Variants in ADAM12 observed in about 807,000 individuals in gnomAD.
ADAM12 encodes disintegrin and metalloproteinase domain-containing protein 12.
In ADAM12, 70 loss-of-function variants were observed where a neutral mutation model predicts 106.4. The observed-to-expected ratio is 0.66, with a 90% confidence interval of 0.54 to 0.80. The LOEUF is 0.80. Ranked by LOEUF, ADAM12 falls within the 30% of genes least tolerant of loss-of-function variation. The pLI is 0.00. For missense variants in ADAM12, 1,010 were observed against 1,171.9 expected (o/e 0.86, Z 2.02); for synonymous variants, 420 against 433.5 (o/e 0.97, Z 0.39).
chr10:126,385,024 G>A (rs1449352899), intron 1 of ADAM12, among the ~76,000 whole-genome samples: 1 of 152,124 alleles, frequency 6.6e-6, no homozygotes, highest in Non-Finnish European at 1.5e-5. Flanking sequence ...CAGTTAATTT[G>A]CTAGGTAAGC....
At chr10:126,281,720 C>A (rs1959591975) in intron 2 of ADAM12, among the ~76,000 whole-genome samples, 1 of 152,162 alleles carries the variant, frequency 6.6e-6, no homozygotes, top group Non-Finnish European at 1.5e-5. Context: ...TAAAATACGG[C>A]ATTCCTTTTC....
Position 126,089,693 on chromosome 10 carries a change from T to C in ADAM12, c.1145+4292A>G, listed in dbSNP as rs575299009. 7.9e-5 allele frequency among the ~76,000 whole-genome samples: 12 copies of C among 152,278 alleles called. No individual in the cohort carries two copies. The South Asian group carries it at 1.0e-3, about 13-fold the overall frequency. ...TTGCTGGCTCTGGTTCCTCCATTTC[T>C]ACCCAGCATCACTTCCCTCCAGCCC... On this transcript the variant is annotated intron_variant, in intron 11 of 22. Transcript: ENST00000448723.
intron 2 of ADAM12, among the ~76,000 whole-genome samples, chr10:126,318,562 A>ACACTCT (rs1564730022): frequency 1.1e-3 from 165 of 150,916 alleles, no homozygotes; most frequent in African/African-American, 3.8e-3. Context: ...TCACATTCAC[A>ACACTCT]CTCACACACT....
intron 8 of ADAM12, among the ~76,000 whole-genome samples, chr10:126,107,312 T>A (rs897944988): frequency 2.6e-5 from 4 of 152,094 alleles, no homozygotes; most frequent in Non-Finnish European, 5.9e-5. Context: ...ATAGCATGGA[T>A]CTAGTTCTTA....
At chr10:126,100,428 G>T (rs1054025305) in intron 9 of ADAM12, among the ~76,000 whole-genome samples, 7 of 152,014 alleles carry the variant, frequency 4.6e-5, no homozygotes, top group African/African-American at 1.7e-4. Context: ...CCTCGGCCTG[G>T]CGCGGTGGCT....
Position 126,013,616 on chromosome 10 carries a change from A to C in ADAM12, c.*3663T>G, listed in dbSNP as rs1469490077. ...ACCACTTTGGCTGATCTAAAGTAGC[A>C]ATGGAAGTAGTGATTTGACTGTCAA... is the stretch of plus-strand genomic sequence containing the variant. On this transcript the variant is annotated 3_prime_UTR_variant, in exon 23 of 23. Transcript: ENST00000448723. The surrounding 1 kb of genome is among the most constrained non-coding windows in gnomAD (Gnocchi z 4.3). 6.6e-6 allele frequency: 1 copy of C among 152,254 alleles called. No homozygotes were observed. The highest frequency in any genetic ancestry group is 1.5e-5 in the Non-Finnish European group (1 of 68,102). The allele number at this position is 152,254 out of a possible 1,614,324, so 9.4% of individuals were successfully genotyped here. A position where few individuals can be genotyped will look rare whatever the true frequency, so the allele number is the denominator to read the frequency against.
intron 3 of ADAM12, among the ~76,000 whole-genome samples, chr10:126,206,854 T>TGGGGGGGGGGGGG (rs145374984): frequency 1.2e-5 from 1 of 81,832 alleles, no homozygotes; most frequent in African/African-American, 4.1e-5. Context: ...CCATGTGTTG[T>TGGGGGGGGGGGGG]GGGGGCGGGG....
intron 2 of ADAM12, among the ~76,000 whole-genome samples, chr10:126,306,730 A>G (rs1360652439): frequency 1.3e-5 from 2 of 152,140 alleles, no homozygotes; most frequent in Non-Finnish European, 2.9e-5. Flanking sequence ...TGAAATGTCA[A>G]CCACCAGTCT....
chr10:126,056,560 G>A (rs2133458120), intron 14 of ADAM12, among the ~76,000 whole-genome samples: 1 of 152,296 alleles, frequency 6.6e-6, no homozygotes, highest in Non-Finnish European at 1.5e-5. Context: ...TTTGGTAGTG[G>A]TGGTGAGGGT....
chr10:126,024,138 A>G (rs1953823207), intron 21 of ADAM12, among the ~76,000 whole-genome samples: 1 of 152,262 alleles, frequency 6.6e-6, no homozygotes, highest in East Asian at 1.9e-4. Flanking sequence ...GAAGGTAAGT[A>G]CAGTTTGATA....
chr10:126,233,713 T>C (rs572308815), intron 3 of ADAM12, among the ~76,000 whole-genome samples: 24 of 152,186 alleles, frequency 1.6e-4, no homozygotes, highest in Non-Finnish European at 3.4e-4. Context: ...TGGACACTTG[T>C]GAACCAAATG....
At position 126,023,620 on chromosome 10, in the gene ADAM12, C is replaced by A. The variant is rs138447349; in HGVS notation, c.2530-3795G>T. ...GACAAGACCTCAGGTTAAGAATCTT[C>A]TAGAAGTAAATACATACTATAATCT... On this transcript the variant is annotated intron_variant, in intron 21 of 22. Transcript: ENST00000448723. 2.1e-3 allele frequency among the ~76,000 whole-genome samples: 325 copies of A among 152,312 alleles called. 1 individual carries two copies. Among genetic ancestry groups the A allele is most frequent in the African/African-American group, 7.4e-3 (309 of 41,562 alleles).
At chr10:126,078,383 C>G (rs929621125) in intron 11 of ADAM12, among the ~76,000 whole-genome samples, 7 of 152,162 alleles carry the variant, frequency 4.6e-5, no homozygotes, top group Non-Finnish European at 7.3e-5. Context: ...TGCCCACCCT[C>G]CTATCTCATT....
chr10:126,368,366 T>G (rs1042039136), intron 1 of ADAM12, among the ~76,000 whole-genome samples: 2 of 151,288 alleles, frequency 1.3e-5, no homozygotes, highest in East Asian at 1.9e-4. Flanking sequence ...GTTTTTTTTT[T>G]TTTTTTTTTT....
At chr10:126,202,225 CTTT>C (rs1957715590) in intron 3 of ADAM12, among the ~76,000 whole-genome samples, 1 of 152,216 alleles carries the variant, frequency 6.6e-6, no homozygotes, top group South Asian at 2.1e-4. Flanking sequence ...CTGTGGAAAA[CTTT>C]TGCTTTATTT....
intron 3 of ADAM12, among the ~76,000 whole-genome samples, chr10:126,180,442 G>A (rs1173121200): frequency 2.6e-5 from 4 of 152,208 alleles, no homozygotes; most frequent in African/African-American, 7.2e-5. Context: ...ATCTCTGTAC[G>A]TGGGTGGCAT....
At chr10:126,155,340 T>G in intron 3 of ADAM12, 35 bp from the exon 4 acceptor site, 1 of 1,564,308 alleles carries the variant, frequency 6.4e-7, no homozygotes, top group Non-Finnish European at 8.8e-7. Context: ...AAAAGATGAG[T>G]GCAGAATTGC....
At chr10:126,366,567 A>T (rs1228519204) in intron 1 of ADAM12, among the ~76,000 whole-genome samples, 1 of 152,148 alleles carries the variant, frequency 6.6e-6, no homozygotes, top group Non-Finnish European at 1.5e-5. Flanking sequence ...TAATGAACGT[A>T]ATTCTCCATA....
At chr10:126,310,200 T>C (rs963287134) in intron 2 of ADAM12, among the ~76,000 whole-genome samples, 4 of 150,704 alleles carry the variant, frequency 2.7e-5, no homozygotes, top group East Asian at 2.0e-4. Context: ...TTTGGAGTAT[T>C]CTGAAAGGGT....
Sources: allele counts gnomAD v4.1 joint callset (sites outside exome capture counted in the v4.1 genomes callset), GRCh38; gene constraint gnomAD v4.1.1; non-coding constraint Gnocchi (gnomAD v3.1); transcripts MANE v1.5; gene names NCBI Gene and HGNC (gene_info 2026-07-23, HGNC 2026-07-21).